Variants in BDNF observed in about 807,000 individuals in gnomAD.
BDNF encodes neurotrophic factor BDNF precursor form.
BDNF carries 1 observed loss-of-function variant against 19.5 expected under a neutral mutation model. The ratio of observed to expected loss-of-function variants is 0.05; its 90% CI spans 0.02 to 0.24. The LOEUF is 0.24. Among genes scored for constraint, BDNF ranks in the 10% least tolerant of loss-of-function variants. The pLI is 1.00. For missense variants in BDNF, 195 were observed against 317.6 expected (o/e 0.61, Z 2.93); for synonymous variants, 100 against 121.6 (o/e 0.82, Z 1.17).
chr11:27,660,305 C>A, intron 1 of BDNF: 1 of 1,055,430 alleles, frequency 9.5e-7, no homozygotes. Context: ...TTTAGATTTA[C>A]TCTCACTTTG....
Position 27,720,950 on chromosome 11 carries a change from C to T in BDNF, c.3+462G>A, listed in dbSNP as rs1190995187. Among the ~76,000 whole-genome samples, 5 of 136,508 alleles carry T rather than the reference C, an allele frequency of 3.7e-5. No individual in the cohort carries two copies. In the East Asian group the frequency reaches 1.1e-3, roughly 30 times the overall value. The allele number at this position is 136,508 out of a possible 152,430, so 89.6% of individuals were successfully genotyped here. A position where few individuals can be genotyped will look rare whatever the true frequency, so the allele number is the denominator to read the frequency against. ...ACTTATTTCTCTCCCCCCAACCCCACCCCCCATCTACACCTAAACTCCCAG... is the reference window on the plus strand; with the variant it reads ...ACTTATTTCTCTCCCCCCAACCCCATCCCCCATCTACACCTAAACTCCCAG... On this transcript the variant is annotated intron_variant, in intron 1 of 1. Coordinates refer to the BDNF transcript ENST00000314915.
intron 1 of BDNF, among the ~76,000 whole-genome samples, chr11:27,683,015 A>T (rs1316833718): frequency 6.6e-6 from 1 of 151,852 alleles, no homozygotes; most frequent in African/African-American, 2.4e-5. Context: ...ACTAATTTAC[A>T]CTCCCACCAA....
At chr11:27,691,505 G>T (rs550400492) in intron 1 of BDNF, among the ~76,000 whole-genome samples, 17 of 152,146 alleles carry the variant, frequency 1.1e-4, no homozygotes, top group African/African-American at 1.7e-4. Flanking sequence ...AAACATACAC[G>T]CAAGAACACA....
At position 27,719,412 on chromosome 11, in the gene BDNF, C is replaced by T. The variant is rs935895397; in HGVS notation, c.3+2000G>A. The T allele has an allele frequency of 1.4e-5, 14 of 972,128 alleles. No homozygotes were observed. The African/African-American group carries it at 2.5e-4, about 17-fold the overall frequency. The allele number at this position is 972,128 out of a possible 1,614,324, so 60.2% of individuals were successfully genotyped here. A position where few individuals can be genotyped will look rare whatever the true frequency, so the allele number is the denominator to read the frequency against. On this transcript the variant is annotated intron_variant, in intron 1 of 1. Coordinates refer to the BDNF transcript ENST00000314915. ...TCCACCGCCTCCAGCCGCCCAGGCC[C>T]CCTCGCCCGGCCCGCTCTCTGGCTC...
chr11:27,706,555 G>A (rs11030119), intron 1 of BDNF, among the ~76,000 whole-genome samples: 42,466 of 152,080 alleles, frequency 0.28, 6,137 homozygotes, highest in South Asian at 0.35. Context: ...GACTTTTCTC[G>A]TAGCAAAAGA....
At chr11:27,699,446 C>T in intron 1 of BDNF, 1 of 1,614,176 alleles carries the variant, frequency 6.2e-7, no homozygotes, top group Non-Finnish European at 8.5e-7. Context: ...CCACGTACAT[C>T]CCAACCACTC....
rs2133767567 is a variant in BDNF, at chr11:27,656,082, C to T, written c.*1739G>A. The stretch of plus-strand genomic sequence containing the variant: ...TCCAGACACCTTCCCGAAGTCTTGT[C>T]TCTGGACAAGATTTCCTATGGGTCC... On this transcript the variant is annotated 3_prime_UTR_variant, in exon 2 of 2. Transcript: ENST00000356660. 1 of 152,322 alleles carries T rather than the reference C, an allele frequency of 6.6e-6. No homozygotes were observed. Among genetic ancestry groups the T allele is most frequent in the East Asian group, 1.9e-4 (1 of 5,164 alleles). The allele number at this position is 152,322 out of a possible 1,614,324, so 9.4% of individuals were successfully genotyped here. A position where few individuals can be genotyped will look rare whatever the true frequency, so the allele number is the denominator to read the frequency against.
chr11:27,664,220 C>T (rs568478270), intron 1 of BDNF, among the ~76,000 whole-genome samples: 1 of 152,134 alleles, frequency 6.6e-6, no homozygotes, highest in African/African-American at 2.4e-5. Context: ...AAGAGTTGAC[C>T]TTAATGAAAT....
At chr11:27,704,897 G>C (rs563176254), upstream of BDNF, among the ~76,000 whole-genome samples, 4 of 152,292 alleles carry the variant, frequency 2.6e-5, no homozygotes, top group African/African-American at 9.6e-5. Flanking sequence ...GTCAACACCT[G>C]TTACAGGAGT....
Position 27,700,378 on chromosome 11 carries a change from G to A in BDNF, c.-236C>T. 1 of 985,756 alleles carries A rather than the reference G, an allele frequency of 1.0e-6. No homozygotes were observed. Among genetic ancestry groups the A allele is most frequent in the African/African-American group, 1.7e-5 (1 of 57,320 alleles). The allele number at this position is 985,756 out of a possible 1,614,324, so 61.1% of individuals were successfully genotyped here. A position where few individuals can be genotyped will look rare whatever the true frequency, so the allele number is the denominator to read the frequency against. On this transcript the variant is annotated 5_prime_UTR_variant, in exon 1 of 2. Coordinates refer to ENST00000356660, the MANE Select transcript of BDNF (RefSeq NM_001709.5). ...CGGCCCGGGAGCCCGAGGCGCTACG[G>A]GGTGCGCGGGACAGCGAGCGGGCGG...
chr11:27,703,911 C>T (rs1860008973), upstream of BDNF, among the ~76,000 whole-genome samples: 2 of 152,170 alleles, frequency 1.3e-5, no homozygotes, highest in Admixed American at 1.3e-4. Context: ...CATTCAAAAA[C>T]AATGAAGCCA....
In BDNF at chr11:27,657,439, C is replaced by T; in HGVS notation, c.*382G>A. On this transcript the variant is annotated 3_prime_UTR_variant, in exon 2 of 2. Transcript: ENST00000356660. The surrounding 1 kb of genome is among the most constrained non-coding windows in gnomAD (Gnocchi z 5.0). ...AAAATGTAAACGGAATGTTTTGGTT[C>T]AAATTTTTGTTGTGTGTGTGTGTGT... is the stretch of plus-strand genomic sequence containing the variant. 6.8e-6 allele frequency: 7 copies of T among 1,034,214 alleles called. No individual in the cohort carries two copies. Among genetic ancestry groups the T allele is most frequent in the Non-Finnish European group, 8.1e-6 (7 of 861,896 alleles). The allele number at this position is 1,034,214 out of a possible 1,614,324, so 64.1% of individuals were successfully genotyped here.
rs1852584135 is a variant in BDNF, at chr11:27,656,664, G to A, written c.*1157C>T. 2 of 985,536 alleles carry A rather than the reference G, an allele frequency of 2.0e-6. No homozygotes were observed. The highest frequency in any genetic ancestry group is 6.2e-5 in the Admixed American group (1 of 16,260). The allele number at this position is 985,536 out of a possible 1,614,324, so 61.0% of individuals were successfully genotyped here. A position where few individuals can be genotyped will look rare whatever the true frequency, so the allele number is the denominator to read the frequency against. On this transcript the variant is annotated 3_prime_UTR_variant, in exon 2 of 2. Transcript: ENST00000356660. ...CCTGTTCTGATCTAGGTGTTTCTGG[G>A]TTGATACAGGGCTCTACCTTTTGCT...
chr11:27,702,093 T>A (rs1859929791), upstream of BDNF, among the ~76,000 whole-genome samples: 1 of 152,176 alleles, frequency 6.6e-6, no homozygotes, highest in Non-Finnish European at 1.5e-5. Context: ...AATTATCCAT[T>A]TGATGAACTC....
At position 27,700,401 on chromosome 11, in the gene BDNF, C is replaced by T; in HGVS notation, c.-259G>A. On this transcript the variant is annotated 5_prime_UTR_variant, in exon 1 of 2. Coordinates refer to ENST00000356660, the MANE Select transcript of BDNF (RefSeq NM_001709.5). ...CGGGGTGCGCGGGACAGCGAGCGGG[C>T]GGGTGCGCCCGGGCGCGGCGGCGGC... is the stretch of plus-strand genomic sequence containing the variant. The T allele has an allele frequency of 1.0e-6, 1 of 985,944 alleles. No individual in the cohort carries two copies. Among genetic ancestry groups the T allele is most frequent in the Non-Finnish European group, 1.2e-6 (1 of 830,278 alleles). 61.1% of individuals were successfully genotyped at this position (985,944 alleles called of 1,614,324 possible).
At chr11:27,694,794 TAAA>T (rs930773081) in intron 1 of BDNF, among the ~76,000 whole-genome samples, 2 of 152,172 alleles carry the variant, frequency 1.3e-5, no homozygotes, top group Non-Finnish European at 2.9e-5. Context: ...AAAACATTCT[TAAA>T]GGTCTCTCTA....
intron 1 of BDNF, among the ~76,000 whole-genome samples, chr11:27,692,585 C>T (rs1048931624): frequency 3.3e-5 from 5 of 152,154 alleles, no homozygotes; most frequent in Non-Finnish European, 7.3e-5. Flanking sequence ...TCAAGTGATC[C>T]TCCCACCTCA....
intron 1 of BDNF, among the ~76,000 whole-genome samples, chr11:27,690,319 T>C (rs1858080166): frequency 6.6e-6 from 1 of 152,126 alleles, no homozygotes; most frequent in African/African-American, 2.4e-5. Flanking sequence ...GTCATTTGCC[T>C]GTCTGTCTTG....
At chr11:27,695,632 C>T (rs777415070) in intron 1 of BDNF, among the ~76,000 whole-genome samples, 4 of 152,108 alleles carry the variant, frequency 2.6e-5, no homozygotes, top group South Asian at 2.1e-4. Flanking sequence ...AACTATATAA[C>T]GTTCCTTACT....
Sources: allele counts gnomAD v4.1 joint callset (sites outside exome capture counted in the v4.1 genomes callset), GRCh38; gene constraint gnomAD v4.1.1; non-coding constraint Gnocchi (gnomAD v3.1); transcripts MANE v1.5; gene names NCBI Gene and HGNC (gene_info 2026-07-23, HGNC 2026-07-21).